DACH1: variants seen among roughly 807,000 people sequenced by gnomAD.
DACH1 encodes dachshund homolog 1.
DACH1 carries 12 observed loss-of-function variants against 54.2 expected under a neutral mutation model. That is an observed-to-expected ratio of 0.22 (90% confidence interval 0.14 to 0.36). The LOEUF (loss-of-function observed/expected upper bound fraction) is 0.36, where lower values mean the gene tolerates loss of function less well. Ranked by LOEUF, DACH1 falls within the 10% of genes least tolerant of loss-of-function variation. The pLI, the probability that DACH1 is intolerant of heterozygous loss-of-function variation, is 1.00. For missense variants in DACH1, 805 were observed against 929.8 expected, an observed-to-expected ratio of 0.87 and a Z score of 1.75; for synonymous variants, 386 against 366.2, an observed-to-expected ratio of 1.05 and a Z score of -0.62.
At chr13:71,859,588 C>A (rs1471724196) in intron 1 of DACH1, among the ~76,000 whole-genome samples, 1 of 151,772 alleles carries the variant, frequency 6.6e-6, no homozygotes, top group Non-Finnish European at 1.5e-5. Context: ...TAATCATTAG[C>A]TGCCTAAAAC....
At chr13:71,578,802 T>A (rs1004543738) in intron 3 of DACH1, among the ~76,000 whole-genome samples, 1 of 152,150 alleles carries the variant, frequency 6.6e-6, no homozygotes, top group African/African-American at 2.4e-5. Context: ...TGCAAAATAA[T>A]GTCCGCAGAG....
chr13:71,628,613 C>A (rs1876839102), intron 3 of DACH1, among the ~76,000 whole-genome samples: 1 of 151,928 alleles, frequency 6.6e-6, no homozygotes, highest in Non-Finnish European at 1.5e-5. Flanking sequence ...CCATCAACTG[C>A]ATACCTTAAT....
chr13:71,482,048 C>T (rs1173534511), intron 7 of DACH1, among the ~76,000 whole-genome samples: 3 of 152,086 alleles, frequency 2.0e-5, no homozygotes, highest in Non-Finnish European at 2.9e-5. Flanking sequence ...ATACTGAAGT[C>T]GGTTAATGAC....
intron 10 of DACH1, among the ~76,000 whole-genome samples, chr13:71,470,028 C>A (rs1036015703): frequency 6.6e-6 from 1 of 152,060 alleles, no homozygotes; most frequent in African/African-American, 2.4e-5. Flanking sequence ...GTCTATATCG[C>A]CATTGGTTTT....
chr13:71,492,696 A>T (rs992111650), intron 6 of DACH1, among the ~76,000 whole-genome samples: 45 of 150,140 alleles, frequency 3.0e-4, no homozygotes, highest in Admixed American at 2.7e-4. Context: ...TTTTTTTTTT[A>T]AATTCTCTCT....
chr13:71,609,489 A>G (rs1646775814), intron 3 of DACH1, among the ~76,000 whole-genome samples: 2 of 152,126 alleles, frequency 1.3e-5, no homozygotes, highest in Admixed American at 6.5e-5. Flanking sequence ...AATATTAGTC[A>G]TTTGTTTTAG....
chr13:71,612,216 T>C (rs1390644747), intron 3 of DACH1, among the ~76,000 whole-genome samples: 1 of 152,136 alleles, frequency 6.6e-6, no homozygotes, highest in Admixed American at 6.6e-5. Flanking sequence ...CCTGAAATGC[T>C]ATAGTAGAAT....
intron 1 of DACH1, among the ~76,000 whole-genome samples, chr13:71,819,810 G>A (rs192698090): frequency 2.0e-5 from 3 of 152,142 alleles, no homozygotes; most frequent in East Asian, 3.9e-4. Flanking sequence ...CACAAATGAG[G>A]AAAAGGTAAA....
chr13:71,452,116 G>T (rs1218777009), intron 10 of DACH1, among the ~76,000 whole-genome samples: 1 of 148,112 alleles, frequency 6.8e-6, no homozygotes, highest in African/African-American at 2.6e-5. Flanking sequence ...TTGTTTTGTT[G>T]TTTTTTTGTA....
At chr13:71,500,430 A>C (rs983930807) in intron 6 of DACH1, among the ~76,000 whole-genome samples, 1 of 152,138 alleles carries the variant, frequency 6.6e-6, no homozygotes, top group Admixed American at 6.5e-5. Flanking sequence ...TATGTGAATA[A>C]AACAGAACGA....
At chr13:71,798,316 TTACA>T (rs200627443) in intron 1 of DACH1, among the ~76,000 whole-genome samples, 183 of 106,678 alleles carry the variant, frequency 1.7e-3, no homozygotes, top group Middle Eastern at 4.9e-3. Context: ...AGAGAACTTG[TTACA>T]TACATATATA....
At chr13:71,529,183 G>GTTTTTTTTTTGTTTGTTTTTTTTTTTT (rs1299574030) in intron 6 of DACH1, among the ~76,000 whole-genome samples, 1 of 80,980 alleles carries the variant, frequency 1.2e-5, no homozygotes, top group African/African-American at 4.4e-5. Flanking sequence ...TGTGATTTGG[G>GTTTTTTTTTTGTTTGTTTTTTTTTTTT]TTTTTTTTTT....
intron 6 of DACH1, among the ~76,000 whole-genome samples, chr13:71,540,351 T>A (rs1169856882): frequency 6.6e-6 from 1 of 152,086 alleles, no homozygotes; most frequent in African/African-American, 2.4e-5. Context: ...TGCTCAGTGG[T>A]TACACTTAGC....
chr13:71,552,403 TAATTTTTGATC>T (rs1019840988), intron 6 of DACH1, among the ~76,000 whole-genome samples: 5 of 152,114 alleles, frequency 3.3e-5, no homozygotes, highest in African/African-American at 4.8e-5. Context: ...ATCATATATA[TAATTTTTGATC>T]AATCAAAAAT....
At chr13:71,597,671 C>T (rs569748706) in intron 3 of DACH1, among the ~76,000 whole-genome samples, 162 of 152,258 alleles carry the variant, frequency 1.1e-3, no homozygotes, top group African/African-American at 3.7e-3. Context: ...CTCAGTGCCT[C>T]AGTTCCCTAC....
At chr13:71,481,223 A>C (rs1878002764) in intron 7 of DACH1, among the ~76,000 whole-genome samples, 1 of 152,234 alleles carries the variant, frequency 6.6e-6, no homozygotes, top group Non-Finnish European at 1.5e-5. Flanking sequence ...TCTAGAGATT[A>C]TTTAGCAAGA....
chr13:71,830,676 A>G (rs936016308), intron 1 of DACH1, among the ~76,000 whole-genome samples: 50 of 151,900 alleles, frequency 3.3e-4, no homozygotes, highest in African/African-American at 1.2e-3. Flanking sequence ...TCAAGAAAGT[A>G]AATGAGAGCA....
intron 6 of DACH1, among the ~76,000 whole-genome samples, chr13:71,553,900 A>G (rs1884067579): frequency 6.6e-6 from 1 of 151,818 alleles, no homozygotes; most frequent in Non-Finnish European, 1.5e-5. Context: ...AGTGATTCTC[A>G]GAATACAAAT....
intron 1 of DACH1, among the ~76,000 whole-genome samples, chr13:71,756,191 C>T (rs997587960): frequency 1.3e-5 from 2 of 151,854 alleles, no homozygotes; most frequent in Non-Finnish European, 2.9e-5. Flanking sequence ...CCACCACACT[C>T]GGCTAATTTT....
Sources: gnomAD v4.1 joint callset for allele counts (sites outside exome capture counted in the v4.1 genomes callset) on GRCh38, gnomAD v4.1.1 for gene constraint, MANE v1.5 for transcripts, NCBI Gene and HGNC (gene_info 2026-07-23, HGNC 2026-07-21) for gene names.